COX7B2: variants seen among roughly 807,000 people sequenced by gnomAD.
COX7B2 encodes the protein cytochrome c oxidase subunit 7B2, mitochondrial.
For missense variants in COX7B2, 109 were observed against 95.9 expected, an observed-to-expected ratio of 1.14 and a Z score of -0.57; for synonymous variants, 37 against 32.1, an observed-to-expected ratio of 1.15 and a Z score of -0.51.
chr4:46,766,871 A>G (rs1716573805), intron 2 of COX7B2, among the ~76,000 whole-genome samples: 1 of 152,200 alleles, frequency 6.6e-6, no homozygotes, highest in Non-Finnish European at 1.5e-5. Context: ...CACCAAACAT[A>G]AAGAGAAAAG....
intron 2 of COX7B2, among the ~76,000 whole-genome samples, chr4:46,844,159 T>C (rs1452861996): frequency 2.0e-5 from 3 of 152,000 alleles, no homozygotes; most frequent in South Asian, 2.1e-4. Flanking sequence ...AAGAAATTGT[T>C]CACAGCAATT....
intron 2 of COX7B2, among the ~76,000 whole-genome samples, chr4:46,797,359 T>A (rs184380767): frequency 7.4e-4 from 113 of 152,280 alleles, no homozygotes; most frequent in African/African-American, 2.6e-3. Context: ...GAGGGATTTA[T>A]GAAGGCCATG....
At chr4:46,886,403 G>A (rs1171822831) in intron 1 of COX7B2, among the ~76,000 whole-genome samples, 4 of 152,058 alleles carry the variant, frequency 2.6e-5, no homozygotes, top group Non-Finnish European at 5.9e-5. Context: ...GGAGAACTTT[G>A]CAATTCTTTT....
chr4:46,821,292 T>C (rs766840776), intron 2 of COX7B2, among the ~76,000 whole-genome samples: 9 of 152,218 alleles, frequency 5.9e-5, no homozygotes, highest in Non-Finnish European at 1.3e-4. Context: ...ATAGATAATT[T>C]CTTCTGAGAG....
chr4:46,816,622 A>C (rs192577414), intron 2 of COX7B2, among the ~76,000 whole-genome samples: 2 of 152,324 alleles, frequency 1.3e-5, no homozygotes, highest in Admixed American at 1.3e-4. Flanking sequence ...CCTCAAATGA[A>C]TGCTGAAAAT....
At position 46,763,188 on chromosome 4, in the gene COX7B2, TATATA is replaced by T. The variant is rs1404056236; in HGVS notation, c.-49-27952_-49-27948del. The stretch of plus-strand genomic sequence containing the variant: ...ACAATATATATTTATATACTGTAAA[TATATA>T]ATATATGATATTATATTTATAATAT... On this transcript the variant is annotated intron_variant, in intron 2 of 2. Coordinates refer to ENST00000355591, the MANE Select transcript of COX7B2 (RefSeq NM_130902.3). 5.8e-5 allele frequency among the ~76,000 whole-genome samples: 8 copies of T among 138,122 alleles called. 1 individual carries two copies. The South Asian group carries it at 8.5e-4, about 15-fold the overall frequency. The allele number at this position is 138,122 out of a possible 152,430, so 90.6% of individuals were successfully genotyped here. A position where few individuals can be genotyped will look rare whatever the true frequency, so the allele number is the denominator to read the frequency against.
chr4:46,819,907 G>C (rs529999283), intron 2 of COX7B2, among the ~76,000 whole-genome samples: 1 of 152,160 alleles, frequency 6.6e-6, no homozygotes, highest in Non-Finnish European at 1.5e-5. Context: ...TATGGATTAG[G>C]ATAAGCAAGG....
intron 2 of COX7B2, among the ~76,000 whole-genome samples, chr4:46,806,365 A>C (rs1198534954): frequency 6.6e-6 from 1 of 151,924 alleles, no homozygotes; most frequent in Non-Finnish European, 1.5e-5. Context: ...TAAAAAAAAA[A>C]CTTTTCCATG....
rs147327677 is a variant in COX7B2 at position 46,821,034 on chromosome 4, G to A, written c.-50+23926C>T. Among the ~76,000 whole-genome samples, 278 of 152,172 alleles carry A rather than the reference G, an allele frequency of 1.8e-3. 1 individual carries two copies. The highest frequency in any genetic ancestry group is 6.8e-3 in the Middle Eastern group (2 of 294). On this transcript the variant is annotated intron_variant, in intron 2 of 2. Coordinates refer to ENST00000355591, the MANE Select transcript of COX7B2 (RefSeq NM_130902.3). ...TTAAATGAGTTGTATGCATGCTAAA[G>A]TAAGATCCACTGCCTTATGCTGCCC... is the stretch of plus-strand genomic sequence containing the variant.
intron 2 of COX7B2, among the ~76,000 whole-genome samples, chr4:46,818,118 G>C (rs1286186898): frequency 6.6e-6 from 1 of 152,124 alleles, no homozygotes; most frequent in African/African-American, 2.4e-5. Context: ...ACACAGGATG[G>C]TTGGAAAAAT....
intron 1 of COX7B2, among the ~76,000 whole-genome samples, chr4:46,854,453 A>T (rs897696335): frequency 3.3e-5 from 5 of 152,222 alleles, no homozygotes; most frequent in Admixed American, 1.3e-4. Flanking sequence ...TTCAATTCAA[A>T]TTTAAATTAG....
chr4:46,901,104 A>C (rs141590779), intron 1 of COX7B2, among the ~76,000 whole-genome samples: 1,668 of 152,256 alleles, frequency 0.011, 27 homozygotes, highest in African/African-American at 0.038. Flanking sequence ...GTGATTTCTT[A>C]TTCTGGTTTC....
intron 1 of COX7B2, among the ~76,000 whole-genome samples, chr4:46,855,903 G>T (rs576813914): frequency 6.6e-6 from 1 of 152,176 alleles, no homozygotes; most frequent in Non-Finnish European, 1.5e-5. Context: ...TTAAAACACT[G>T]AAATAAGTCT....
chr4:46,759,228 G>T (rs764196907), intron 2 of COX7B2, among the ~76,000 whole-genome samples: 2 of 151,972 alleles, frequency 1.3e-5, no homozygotes, highest in Admixed American at 1.3e-4. Flanking sequence ...GAGAAACGAG[G>T]CACCAGAAGC....
rs959747379 is a variant in COX7B2, at chr4:46,848,284, T to A, written c.-104-3270A>T. On this transcript the variant is annotated intron_variant, in intron 1 of 2. Transcript: ENST00000355591. ...ACTAAATCACTAACATACCTATTTT[T>A]AAACTTTTCATTGTTATAAGACATG... Among the ~76,000 whole-genome samples the A allele has an allele frequency of 2.6e-5, 4 of 152,068 alleles. 1 individual carries two copies. Among genetic ancestry groups the A allele is most frequent in the South Asian group, 4.1e-4 (2 of 4,832 alleles).
chr4:46,836,780 A>T (rs545771532), intron 2 of COX7B2, among the ~76,000 whole-genome samples: 102 of 152,220 alleles, frequency 6.7e-4, no homozygotes, highest in African/African-American at 2.2e-3. Context: ...AAGGTAAGTA[A>T]TGCATTGCAC....
At chr4:46,907,015 G>C (rs17460031) in intron 1 of COX7B2, among the ~76,000 whole-genome samples, 4,409 of 152,262 alleles carry the variant, frequency 0.029, 109 homozygotes, top group South Asian at 0.039. Context: ...TCTTAGTTCT[G>C]CCTTTAACGT....
At chr4:46,893,325 C>T (rs570334169) in intron 1 of COX7B2, among the ~76,000 whole-genome samples, 1 of 152,244 alleles carries the variant, frequency 6.6e-6, no homozygotes, top group East Asian at 1.9e-4. Flanking sequence ...CTGCTTTATA[C>T]CAGCCAGTTG....
chr4:46,863,992 C>T (rs1717493770), intron 1 of COX7B2, among the ~76,000 whole-genome samples: 1 of 152,052 alleles, frequency 6.6e-6, no homozygotes, highest in South Asian at 2.1e-4. Flanking sequence ...AAACAGGGGC[C>T]GGACATGCCT....
Sources: gnomAD v4.1 joint callset for allele counts (sites outside exome capture counted in the v4.1 genomes callset) on GRCh38, gnomAD v4.1.1 for gene constraint, MANE v1.5 for transcripts, NCBI Gene and HGNC (gene_info 2026-07-23, HGNC 2026-07-21) for gene names.